Variants in WWOX observed in about 807,000 individuals in gnomAD.
The protein encoded by WWOX is WW domain containing oxidoreductase.
In WWOX, 69 loss-of-function variants were observed where a neutral mutation model predicts 46.2. That is an observed-to-expected ratio of 1.49 (90% CI 1.23 to 1.82). The LOEUF is 1.82. Among genes scored for constraint, WWOX ranks in the 40% most tolerant of loss-of-function variants. WWOX has a pLI of 0.00. For missense variants in WWOX, 919 were observed against 542.6 expected (o/e 1.69, Z -6.89); for synonymous variants, 359 against 202.6 (o/e 1.77, Z -6.56).
At chr16:78,215,372 C>T (rs188896580) in intron 5 of WWOX, among the ~76,000 whole-genome samples, 111 of 152,276 alleles carry the variant, frequency 7.3e-4, no homozygotes, top group East Asian at 2.5e-3. Flanking sequence ...GTGATTGGCC[C>T]GTGGTGGCAG....
chr16:79,084,953 C>G (rs1453700149), intron 8 of WWOX, among the ~76,000 whole-genome samples: 2 of 152,020 alleles, frequency 1.3e-5, no homozygotes, highest in Non-Finnish European at 2.9e-5. Flanking sequence ...AATACAGACA[C>G]AGTTGTCTGT....
intron 8 of WWOX, among the ~76,000 whole-genome samples, chr16:79,141,101 C>A (rs572985534): frequency 6.6e-6 from 1 of 152,310 alleles, no homozygotes; most frequent in East Asian, 1.9e-4. Flanking sequence ...GCCTCCCATT[C>A]TACTCGAAGT....
At position 78,512,528 on chromosome 16, in the gene WWOX, G is replaced by A. The variant is rs372905878; in HGVS notation, c.1056+79776G>A. ...TGTATTTACTTAGCATTGAATGCAT[G>A]ATTAGAAATGGAATTTTTAAAAAAG... On this transcript the variant is annotated intron_variant, in intron 8 of 8. Coordinates refer to ENST00000566780, the MANE Select transcript of WWOX (RefSeq NM_016373.4). Among the ~76,000 whole-genome samples the A allele has an allele frequency of 2.6e-5, 4 of 152,248 alleles. 1 individual carries two copies. Among genetic ancestry groups the A allele is most frequent in the African/African-American group, 9.6e-5 (4 of 41,546 alleles).
intron 8 of WWOX, among the ~76,000 whole-genome samples, chr16:78,794,746 G>A (rs1314672554): frequency 6.6e-6 from 1 of 152,204 alleles, no homozygotes; most frequent in Admixed American, 6.5e-5. Context: ...TGATGCTGTG[G>A]CTGGAGAAGA....
At chr16:78,969,537 C>T (rs2046430030) in intron 8 of WWOX, among the ~76,000 whole-genome samples, 1 of 152,160 alleles carries the variant, frequency 6.6e-6, no homozygotes, top group South Asian at 2.1e-4. Flanking sequence ...TCCCAAAGTG[C>T]TGGGATGACA....
intron 8 of WWOX, among the ~76,000 whole-genome samples, chr16:79,063,305 G>C (rs1253632795): frequency 6.6e-6 from 1 of 152,160 alleles, no homozygotes; most frequent in African/African-American, 2.4e-5. Flanking sequence ...CCGTGTTTTT[G>C]AAGTGTTCTT....
chr16:78,337,270 G>C (rs1176319763), intron 5 of WWOX, among the ~76,000 whole-genome samples: 1 of 151,830 alleles, frequency 6.6e-6, no homozygotes, highest in Non-Finnish European at 1.5e-5. Flanking sequence ...AAGGTGGTTT[G>C]TTTTTTTATT....
intron 6 of WWOX, among the ~76,000 whole-genome samples, chr16:78,406,618 G>C (rs1159323697): frequency 6.1e-5 from 9 of 148,496 alleles, no homozygotes; most frequent in South Asian, 4.3e-4. Context: ...CAAAGTGCTG[G>C]GATATACATT....
chr16:78,773,245 G>A (rs77777012), intron 8 of WWOX, among the ~76,000 whole-genome samples: 2,549 of 152,228 alleles, frequency 0.017, 73 homozygotes, highest in African/African-American at 0.058. Flanking sequence ...GCCCGAGTTT[G>A]TGTTCTCCGA....
intron 8 of WWOX, among the ~76,000 whole-genome samples, chr16:78,804,769 T>G (rs542642157): frequency 2.0e-5 from 3 of 152,242 alleles, no homozygotes; most frequent in Non-Finnish European, 4.4e-5. Flanking sequence ...ACCTTGATAG[T>G]TCAGGTGTGC....
intron 8 of WWOX, among the ~76,000 whole-genome samples, chr16:78,997,081 C>T (rs1322863135): frequency 6.6e-6 from 1 of 152,030 alleles, no homozygotes; most frequent in South Asian, 2.1e-4. Context: ...AGGCATCATA[C>T]CATCTGCTTT....
intron 5 of WWOX, among the ~76,000 whole-genome samples, chr16:78,227,020 C>T (rs1367654300): frequency 1.3e-5 from 2 of 152,196 alleles, no homozygotes; most frequent in South Asian, 4.1e-4. Flanking sequence ...ATGTGCTTCT[C>T]TTTTACTTCT....
chr16:79,047,055 C>G (rs2150521919), intron 8 of WWOX, among the ~76,000 whole-genome samples: 1 of 152,310 alleles, frequency 6.6e-6, no homozygotes, highest in African/African-American at 2.4e-5. Flanking sequence ...TACATATGTC[C>G]TTGGCATCCA....
At position 78,278,813 on chromosome 16, in the gene WWOX, C is replaced by T. The variant is rs151263537; in HGVS notation, c.517-108047C>T. On this transcript the variant is annotated intron_variant, in intron 5 of 8. Transcript: ENST00000566780. ...ATCTATTATATGATTTAATTTATAC[C>T]TTTATCAGTTTGCAGTTATGCTTTA... 746 of 711,412 alleles carry T rather than the reference C, an allele frequency of 1.0e-3. 2 individuals are homozygous for T. The African/African-American group carries it at 0.012, about 11-fold the overall frequency. 44.1% of individuals were successfully genotyped at this position (711,412 alleles called of 1,614,324 possible). A position where few individuals can be genotyped will look rare whatever the true frequency, so the allele number is the denominator to read the frequency against.
chr16:78,541,746 C>G (rs1350966486), intron 8 of WWOX, among the ~76,000 whole-genome samples: 1 of 151,746 alleles, frequency 6.6e-6, no homozygotes. Context: ...ACAATAATAC[C>G]CACCTCCCAG....
intron 8 of WWOX, chr16:79,016,861 C>T (rs547437798): frequency 1.3e-5 from 2 of 152,148 alleles, no homozygotes; most frequent in Non-Finnish European, 1.5e-5. Flanking sequence ...GTTTCGATAA[C>T]GCCCCTCTGT....
chr16:78,625,233 G>T (rs1052464673), intron 8 of WWOX, among the ~76,000 whole-genome samples: 6 of 152,052 alleles, frequency 3.9e-5, no homozygotes, highest in African/African-American at 1.2e-4. Flanking sequence ...GGGTCACCGG[G>T]GTCGCTGCCC....
At chr16:78,716,301 C>T (rs556322544) in intron 8 of WWOX, among the ~76,000 whole-genome samples, 1 of 152,160 alleles carries the variant, frequency 6.6e-6, no homozygotes, top group Admixed American at 6.5e-5. Context: ...AGCATCCTCC[C>T]CTCCAGCCTT....
chr16:79,143,462 C>G (rs2050128166), intron 8 of WWOX, among the ~76,000 whole-genome samples: 1 of 152,124 alleles, frequency 6.6e-6, no homozygotes, highest in Non-Finnish European at 1.5e-5. Context: ...TGTGGCTCGG[C>G]TAAGTGGATT....
Sources: gnomAD v4.1 joint callset for allele counts (sites outside exome capture counted in the v4.1 genomes callset) on GRCh38, gnomAD v4.1.1 for gene constraint, MANE v1.5 for transcripts, NCBI Gene and HGNC (gene_info 2026-07-23, HGNC 2026-07-21) for gene names.